The following STK36 variants were observed in gnomAD, a reference collection of about 807,000 sequenced individuals.
STK36 encodes serine/threonine kinase 36.
In STK36, 116 loss-of-function variants were observed where a neutral mutation model predicts 142.2. The observed-to-expected ratio is 0.82, with a 90% CI of 0.70 to 0.95. The LOEUF (loss-of-function observed/expected upper bound fraction) is 0.95. Among genes scored for constraint, STK36 ranks in the 40% least tolerant of loss-of-function variants. The probability of loss-of-function intolerance (pLI) is 0.00; values close to 1 mark genes in which losing one functional copy is unlikely to be tolerated. For missense variants in STK36, 1,422 were observed against 1,617.2 expected, an observed-to-expected ratio of 0.88 and a Z score of 2.07; for synonymous variants, 619 against 641.7, an observed-to-expected ratio of 0.96 and a Z score of 0.53.
chr2:218,679,071 G>A, intron 6 of STK36, 97 bp from the exon 7 acceptor site: 1 of 1,153,414 alleles, frequency 8.7e-7, no homozygotes. Flanking sequence ...TCTGCTGTGA[G>A]GATGGATGTG....
At chr2:218,701,830 C>T (rs375923184) in intron 26 of STK36, 36 bp from the exon 27 acceptor site, 16 of 1,610,260 alleles carry the variant, frequency 9.9e-6, no homozygotes, top group Non-Finnish European at 1.2e-5. Flanking sequence ...TTCTGAGCCT[C>T]ATGTTCTGTT....
chr2:218,675,992 T>A (rs1312890461), intron 5 of STK36, 37 bp from the exon 6 acceptor site: 1 of 1,609,668 alleles, frequency 6.2e-7, no homozygotes, highest in Non-Finnish European at 8.5e-7. Context: ...TTAGAATATC[T>A]TTTCCCTTTC....
At chr2:218,688,364 G>A (rs1164766986) in intron 11 of STK36, 5 of 499,018 alleles carry the variant, frequency 1.0e-5, no homozygotes, top group African/African-American at 9.7e-5. Flanking sequence ...AGAAGCATGT[G>A]CGGTGCACGT....
At position 218,695,842 on chromosome 2, in the gene STK36, A is replaced by G. The variant is rs143443674; in HGVS notation, c.2512-685A>G. Among the ~76,000 whole-genome samples the G allele has an allele frequency of 3.8e-3, 535 of 140,780 alleles. 6 individuals are homozygous for G. The highest frequency in any genetic ancestry group is 0.014 in the African/African-American group (518 of 37,410). 92.4% of individuals were successfully genotyped at this position (140,780 alleles called of 152,430 possible). ...AATGAGCCACTGTGCCCAGCCTGCC[A>G]TCTTTATATATGTAGAATTCTTTTT... On this transcript the variant is annotated intron_variant, in intron 21 of 26. Coordinates refer to ENST00000295709, the MANE Select transcript of STK36 (RefSeq NM_015690.5).
Position 218,701,376 on chromosome 2 carries a change from G to A in STK36, c.3805-490G>A, listed in dbSNP as rs866550655. Among the ~76,000 whole-genome samples, 6 of 151,588 alleles carry A rather than the reference G, an allele frequency of 4.0e-5. No homozygotes were observed. In the South Asian group the frequency reaches 6.3e-4, roughly 16 times the overall value. On this transcript the variant is annotated intron_variant, in intron 26 of 26. Transcript: ENST00000295709. ...AGGATGGTCTCGATGTCCTGACCTC[G>A]TGACCCGCCCGCCTTGGCCTCCCAA...
intron 6 of STK36, 112 bp from the exon 7 acceptor site, chr2:218,679,056 G>T (rs1940381842): frequency 1.0e-6 from 1 of 984,986 alleles, no homozygotes; most frequent in Admixed American, 2.2e-5. Flanking sequence ...ATCAAGAGCA[G>T]CTCATCTGCT....
Position 218,679,638 on chromosome 2 carries a change from A to G in STK36, c.857A>G (p.Asp286Gly), listed in dbSNP as rs530915789. Residue 286 changes from aspartate to glycine, a missense_variant, in exon 8 of 27, where the codon GAC becomes GGC. Asp to Gly is a moderately conservative substitution (Grantham distance 94). Coordinates refer to ENST00000295709, the MANE Select transcript of STK36 (RefSeq NM_015690.5). Reference sequence around the variant, plus strand: ...CCCCCAGAACTTCAGGTCCTAAAGGACGAACAGGCCCATCGGTTGGCCCCC... The same window carrying G: ...CCCCCAGAACTTCAGGTCCTAAAGGGCGAACAGGCCCATCGGTTGGCCCCC... ...RLPPELQVLKDEQAHRLAPKG... is the reference protein window; with the variant it reads ...RLPPELQVLKGEQAHRLAPKG... 50 of 1,614,150 alleles carry G rather than the reference A, an allele frequency of 3.1e-5. No homozygotes were observed. Among genetic ancestry groups the G allele is most frequent in the African/African-American group, 3.1e-4 (23 of 75,034 alleles).
chr2:218,699,072 G>A lies in STK36; in HGVS notation c.3528G>A (p.Val1176=), dbSNP rs747416524. Residue 1176 remains valine (V), a synonymous_variant, in exon 26 of 27, where the codon GTG becomes GTA. Coordinates refer to ENST00000295709, the MANE Select transcript of STK36 (RefSeq NM_015690.5). ...PVVRCSASFA[V]GNAAYQAGPL... ...TGCGGTGCAGTGCCAGCTTTGCTGT[G>A]GGCAATGCAGCCTACCAGGCTGGTC... 7 of 1,613,892 alleles carry A rather than the reference G, an allele frequency of 4.3e-6. No individual in the cohort carries two copies. The highest frequency in any genetic ancestry group is 5.9e-6 in the Non-Finnish European group (7 of 1,180,004).
At chr2:218,684,125 T>C (rs2106352546) in intron 10 of STK36, among the ~76,000 whole-genome samples, 1 of 149,064 alleles carries the variant, frequency 6.7e-6, no homozygotes, top group South Asian at 2.1e-4. Context: ...TTTTTTTTTT[T>C]TTTGAGACAG....
intron 8 of STK36, 47 bp downstream of exon 8, chr2:218,679,776 G>C: frequency 6.2e-7 from 1 of 1,612,314 alleles, no homozygotes; most frequent in South Asian, 1.1e-5. Context: ...GCTAGTGACT[G>C]GGGAGTTAGA....
At chr2:218,687,694 C>T (rs1375574858) in intron 11 of STK36, among the ~76,000 whole-genome samples, 1 of 152,194 alleles carries the variant, frequency 6.6e-6, no homozygotes, top group Non-Finnish European at 1.5e-5. Flanking sequence ...GGACTACTTA[C>T]TTGACTTATG....
chr2:218,696,969 G>C (rs1260319026), intron 22 of STK36, 70 bp from the exon 23 acceptor site: 5 of 1,592,504 alleles, frequency 3.1e-6, no homozygotes, highest in Non-Finnish European at 4.3e-6. Context: ...GTCAGGGACA[G>C]GAATGAATAA....
Position 218,680,596 on chromosome 2 carries a change from C to T in STK36, c.1137-7C>T. The T allele has an allele frequency of 6.2e-7, 1 of 1,610,872 alleles. No individual in the cohort carries two copies. Among genetic ancestry groups the T allele is most frequent in the Non-Finnish European group, 8.5e-7 (1 of 1,178,734 alleles). On this transcript the variant is annotated splice_region_variant and splice_polypyrimidine_tract_variant and intron_variant, in intron 9 of 26. Transcript: ENST00000295709. ...AACCCGTTCTACCCCTTGGCTTCCT[C>T]CGGCAGGGAAAACCGGACCACCCCA... is the stretch of plus-strand genomic sequence containing the variant.
rs1439056671 is a variant in STK36 at position 218,685,114 on chromosome 2, C to T, written c.1266C>T (p.His422=). The T allele has an allele frequency of 2.5e-6, 4 of 1,614,144 alleles. No homozygotes were observed. The highest frequency in any genetic ancestry group is 3.4e-6 in the Non-Finnish European group (4 of 1,180,020). Residue 422 remains histidine, a synonymous_variant, in exon 11 of 27, where the codon CAC becomes CAT. Transcript: ENST00000295709. ...CAGACAGTGACAATGAGTGGCAGCA[C>T]CTGCTAGAGACCACTGAGCCTGTGC... is the stretch of plus-strand genomic sequence containing the variant. ...EEPDSDNEWQ[H]LLETTEPVPI...
In STK36 at chr2:218,701,981, A is replaced by G; in HGVS notation, c.3920A>G (p.His1307Arg). 1 of 1,613,574 alleles carries G rather than the reference A, an allele frequency of 6.2e-7. No individual in the cohort carries two copies. The highest frequency in any genetic ancestry group is 8.5e-7 in the Non-Finnish European group (1 of 1,179,880). The change falls in exon 27 of 27, where the codon CAC (histidine) becomes CGC (arginine). Residue 1307 changes from histidine to arginine, a missense_variant. Coordinates refer to ENST00000295709, the MANE Select transcript of STK36 (RefSeq NM_015690.5). ...GCCAAACACTGCAGGAAACTCATTC[A>G]CCTCCTGAGGCCAGCCCATAGCATG... ...ASAKHCRKLI[H>R]LLRPAHSM
Position 218,697,067 on chromosome 2 carries a change from T to C in STK36, c.2615T>C (p.Met872Thr), listed in dbSNP as rs1036957204. The C allele has an allele frequency of 6.2e-7, 1 of 1,614,180 alleles. No homozygotes were observed. Among genetic ancestry groups the C allele is most frequent in the Non-Finnish European group, 8.5e-7 (1 of 1,180,028 alleles). The change falls in exon 23 of 27, where the codon ATG becomes ACG. Residue 872 changes from methionine (M) to threonine (T), a missense_variant. By Grantham distance (81) the Met-to-Thr change is moderately conservative (BLOSUM62 -1). This residue lies in a region of STK36 where 962 missense variants were observed against 1,167.5 expected (regional missense o/e 0.82). Coordinates refer to ENST00000295709, the MANE Select transcript of STK36 (RefSeq NM_015690.5). ...EQGKASLIRD[M>T]SSSEMWTVLW... is the part of the protein sequence containing the mutation. ...GGGAAGGCTAGCCTAATCAGGGATA[T>C]GTCCAGTTCAGAAATGTGGACCGTT...
chr2:218,689,564 A>C (rs1341302332), intron 12 of STK36, among the ~76,000 whole-genome samples: 1 of 152,208 alleles, frequency 6.6e-6, no homozygotes, highest in Non-Finnish European at 1.5e-5. Context: ...TTTGTTGATG[A>C]GTATTAATCT....
intron 22 of STK36, 28 bp from the exon 23 acceptor site, chr2:218,697,011 C>T (rs878963423): frequency 6.2e-7 from 1 of 1,612,096 alleles, no homozygotes; most frequent in Non-Finnish European, 8.5e-7. Flanking sequence ...CTGTCTTTCC[C>T]CCCGCCCTCT....
At chr2:218,696,448 A>G in intron 21 of STK36, 79 bp from the exon 22 acceptor site, 1 of 1,230,796 alleles carries the variant, frequency 8.1e-7, no homozygotes, top group Non-Finnish European at 1.2e-6. Context: ...CCTCCATGGC[A>G]CCATCACTGA....
Sources: gnomAD v4.1 joint callset for allele counts (sites outside exome capture counted in the v4.1 genomes callset) on GRCh38, gnomAD v4.1.1 for gene constraint, gnomAD v4.1.1 regional missense constraint, MANE v1.5 for transcripts, NCBI Gene and HGNC (gene_info 2026-07-23, HGNC 2026-07-21) for gene names.